IRGM: variants seen among roughly 807,000 people sequenced by gnomAD.
IRGM encodes the protein immunity-related GTPase family M protein.
For synonymous variants in IRGM, 98 were observed against 80.6 expected, an observed-to-expected ratio of 1.22 and a Z score of -1.16; for missense variants, 288 against 219.9, an observed-to-expected ratio of 1.31 and a Z score of -1.96.
intron 3 of IRGM, chr5:150,898,117 C>T (rs1273621547): frequency 1.2e-6 from 2 of 1,613,598 alleles, no homozygotes; most frequent in Non-Finnish European, 1.7e-6. Context: ...ATATGTCTCC[C>T]TTTATGATCC....
At chr5:150,891,464 C>T (rs1754609188) in intron 3 of IRGM, among the ~76,000 whole-genome samples, 1 of 151,846 alleles carries the variant, frequency 6.6e-6, no homozygotes, top group Non-Finnish European at 1.5e-5. Context: ...ATTTTGTTTT[C>T]TATTTGTTCT....
intron 1 of IRGM, among the ~76,000 whole-genome samples, chr5:150,863,986 GAGCCATAGGTAA>G (rs1223179198): frequency 2.0e-5 from 3 of 152,112 alleles, no homozygotes; most frequent in Non-Finnish European, 2.9e-5. Context: ...CCATTATCTT[GAGCCATAGGTAA>G]AGCCATAGGT....
downstream of IRGM, among the ~76,000 whole-genome samples, chr5:150,853,373 A>G (rs965230601): frequency 1.3e-5 from 2 of 152,136 alleles, no homozygotes; most frequent in East Asian, 3.8e-4. Flanking sequence ...AATGTTACAT[A>G]TTCACTTAAG....
At position 150,847,935 on chromosome 5, in the gene IRGM, C is replaced by G; in HGVS notation, c.-189C>G. 1 of 563,392 alleles carries G rather than the reference C, an allele frequency of 1.8e-6. No homozygotes were observed. The highest frequency in any genetic ancestry group is 3.2e-6 in the Non-Finnish European group (1 of 316,290). The allele number at this position is 563,392 out of a possible 1,614,324, so 34.9% of individuals were successfully genotyped here. A position where few individuals can be genotyped will look rare whatever the true frequency, so the allele number is the denominator to read the frequency against. On this transcript the variant is annotated 5_prime_UTR_variant, in exon 2 of 2. Transcript: ENST00000522154. ...CCCCTGCCTCAGCCTCCTGTATTAG[C>G]TGGGACTACAGGCGCACACCACCAC...
At chr5:150,856,059 G>T (rs1754044561) in intron 1 of IRGM, among the ~76,000 whole-genome samples, 1 of 151,420 alleles carries the variant, frequency 6.6e-6, no homozygotes, top group Non-Finnish European at 1.5e-5. Context: ...TATCATGGGG[G>T]AATATTTCAG....
At chr5:150,876,343 A>T (rs762852372) in intron 1 of IRGM, among the ~76,000 whole-genome samples, 4 of 152,168 alleles carry the variant, frequency 2.6e-5, no homozygotes, top group Non-Finnish European at 5.9e-5. Flanking sequence ...CACTAGCAAA[A>T]TTTTTGTTTC....
At chr5:150,870,517 T>TC (rs1754268357) in intron 1 of IRGM, among the ~76,000 whole-genome samples, 1 of 151,934 alleles carries the variant, frequency 6.6e-6, no homozygotes, top group Admixed American at 6.6e-5. Flanking sequence ...TCCTTTTTTT[T>TC]TTTTTTTTTT....
At chr5:150,873,151 C>G (rs948227321) in intron 1 of IRGM, among the ~76,000 whole-genome samples, 1 of 152,218 alleles carries the variant, frequency 6.6e-6, no homozygotes, top group African/African-American at 2.4e-5. Flanking sequence ...TAGTCTGACT[C>G]ATGTAGAGCT....
chr5:150,857,560 TC>T (rs1357674226), intron 1 of IRGM, among the ~76,000 whole-genome samples: 7 of 151,462 alleles, frequency 4.6e-5, no homozygotes, highest in Non-Finnish European at 1.0e-4. Flanking sequence ...GTAAAAGTGT[TC>T]CTATTTCTCC....
At chr5:150,894,179 C>T (rs1685656918) in intron 3 of IRGM, among the ~76,000 whole-genome samples, 2 of 152,046 alleles carry the variant, frequency 1.3e-5, no homozygotes, top group African/African-American at 2.4e-5. Flanking sequence ...CAAGTATGCT[C>T]TCCTGCAGGT....
chr5:150,900,689 A>C (rs1050653707), exon 4 of IRGM: 1 of 152,094 alleles, frequency 6.6e-6, no homozygotes, highest in Non-Finnish European at 1.5e-5. Flanking sequence ...TTGTTAAATG[A>C]ATCATGATTA....
intron 1 of IRGM, among the ~76,000 whole-genome samples, chr5:150,858,072 G>A (rs1754083892): frequency 6.6e-6 from 1 of 152,218 alleles, no homozygotes; most frequent in Non-Finnish European, 1.5e-5. Context: ...TAATGTTTAA[G>A]TCTTTAGTCC....
At chr5:150,871,872 G>A (rs978367281) in intron 1 of IRGM, among the ~76,000 whole-genome samples, 2 of 152,162 alleles carry the variant, frequency 1.3e-5, no homozygotes, top group African/African-American at 4.8e-5. Context: ...TTAAGTGTGG[G>A]CTCTGCCCGG....
chr5:150,878,000 G>A lies in IRGM; in HGVS notation c.180G>A (p.Val60=), dbSNP rs973359699. 6.6e-6 allele frequency: 3 copies of A among 457,380 alleles called. No homozygotes were observed. The Admixed American group carries it at 7.0e-5, about 11-fold the overall frequency. 28.3% of individuals were successfully genotyped at this position (457,380 alleles called of 1,614,324 possible). ...CTCAGAGCTCTAGAAACCAACAAGTGTACCCAAACCACAGCCACGTACCTC... is the reference window on the plus strand; with the variant it reads ...CTCAGAGCTCTAGAAACCAACAAGTATACCCAAACCACAGCCACGTACCTC... Residue 60 remains valine, a synonymous_variant and NMD_transcript_variant, in exon 2 of 4, where the codon GTG becomes GTA. Coordinates refer to the IRGM transcript ENST00000520549.
intron 2 of IRGM, among the ~76,000 whole-genome samples, chr5:150,878,783 A>ATAT (rs10542952): frequency 1.3e-5 from 2 of 151,218 alleles, no homozygotes; most frequent in Non-Finnish European, 2.9e-5. Context: ...TATTGTTGTT[A>ATAT]TATTATTATT....
chr5:150,895,669 T>A, intron 3 of IRGM: 1 of 1,613,368 alleles, frequency 6.2e-7, no homozygotes, highest in Non-Finnish European at 8.5e-7. Flanking sequence ...CCACATTCAG[T>A]ACATATATAA....
chr5:150,871,383 C>A (rs1366288288), intron 1 of IRGM, among the ~76,000 whole-genome samples: 1 of 152,170 alleles, frequency 6.6e-6, no homozygotes, highest in South Asian at 2.1e-4. Context: ...ATTTAAAAGG[C>A]CTTTATATTT....
At chr5:150,891,425 T>C (rs771956654) in intron 3 of IRGM, among the ~76,000 whole-genome samples, 27 of 152,168 alleles carry the variant, frequency 1.8e-4, no homozygotes, top group Non-Finnish European at 3.5e-4. Flanking sequence ...TTATGTTTAA[T>C]CTGAGTATAT....
intron 3 of IRGM, among the ~76,000 whole-genome samples, chr5:150,893,759 G>A (rs1754658422): frequency 6.6e-6 from 1 of 152,046 alleles, no homozygotes; most frequent in Non-Finnish European, 1.5e-5. Context: ...TATAAATAGA[G>A]CTAAAAATCC....
Sources: allele counts gnomAD v4.1 joint callset (sites outside exome capture counted in the v4.1 genomes callset), GRCh38; gene constraint gnomAD v4.1.1; transcripts MANE v1.5; gene names NCBI Gene and HGNC (gene_info 2026-07-23, HGNC 2026-07-21).